The following B3GALT1 variants were observed in gnomAD, a reference collection of about 807,000 sequenced individuals.
The protein encoded by B3GALT1 is beta-1,3-galactosyltransferase 1, also known as UDP-Gal:betaGlcNAc beta 1,3-galactosyltransferase, polypeptide 1.
In B3GALT1, 10 loss-of-function variants were observed where a neutral mutation model predicts 23.2. The ratio of observed to expected loss-of-function variants is 0.43; its 90% CI spans 0.27 to 0.73. The LOEUF is 0.73. Among genes scored for constraint, B3GALT1 ranks in the 30% least tolerant of loss-of-function variants. The probability of loss-of-function intolerance (pLI) is 0.21; values close to 1 mark genes in which losing one functional copy is unlikely to be tolerated. For missense variants in B3GALT1, 299 were observed against 405.4 expected (o/e 0.74, Z 2.25); for synonymous variants, 156 against 141.5 (o/e 1.10, Z -0.73).
At chr2:167,802,661 CCTATTATAT>C (rs1688660199) in intron 3 of B3GALT1, among the ~76,000 whole-genome samples, 2 of 152,128 alleles carry the variant, frequency 1.3e-5, no homozygotes, top group Admixed American at 6.5e-5. Flanking sequence ...AATTGAAAAT[CCTATTATAT>C]CTATTATATC....
chr2:167,773,801 G>A (rs539798513), intron 3 of B3GALT1, among the ~76,000 whole-genome samples: 6 of 152,260 alleles, frequency 3.9e-5, no homozygotes, highest in South Asian at 2.1e-4. Context: ...AGTTGGCTCC[G>A]AAGTAAAACA....
At chr2:167,365,542 G>A (rs1697572138) in intron 1 of B3GALT1, among the ~76,000 whole-genome samples, 1 of 150,400 alleles carries the variant, frequency 6.6e-6, no homozygotes, top group African/African-American at 2.4e-5. Flanking sequence ...TAAGAAGATC[G>A]TATCTTTTCT....
chr2:167,821,623 C>G (rs1689108726), intron 4 of B3GALT1, among the ~76,000 whole-genome samples: 1 of 151,892 alleles, frequency 6.6e-6, no homozygotes, highest in Admixed American at 6.6e-5. Context: ...TTAGTAAAGA[C>G]AGGGTTTCAC....
At chr2:167,506,005 A>G (rs1439193153) in intron 2 of B3GALT1, among the ~76,000 whole-genome samples, 2 of 152,108 alleles carry the variant, frequency 1.3e-5, no homozygotes, top group Non-Finnish European at 2.9e-5. Flanking sequence ...GGATGCAGTG[A>G]GCCAAGATCG....
In B3GALT1 at chr2:167,821,836, C is replaced by T. The variant is rs137917370; in HGVS notation, c.-230+3043C>T. On this transcript the variant is annotated intron_variant, in intron 4 of 4. Coordinates refer to ENST00000392690, the MANE Select transcript of B3GALT1 (RefSeq NM_020981.4). ...GTAGCTTTACAGGAAGTACATCTGT[C>T]GGTTATTACAGTCATTCTTGTACAG... Among the ~76,000 whole-genome samples the T allele has an allele frequency of 1.4e-3, 215 of 152,194 alleles. 1 individual carries two copies. The highest frequency in any genetic ancestry group is 4.8e-3 in the African/African-American group (200 of 41,530).
intron 2 of B3GALT1, among the ~76,000 whole-genome samples, chr2:167,564,931 C>A (rs1339895296): frequency 1.3e-5 from 2 of 152,138 alleles, no homozygotes; most frequent in Non-Finnish European, 2.9e-5. Context: ...GCCATACTGC[C>A]CAAGGTAATT....
At chr2:167,565,127 C>T (rs1376372036) in intron 2 of B3GALT1, among the ~76,000 whole-genome samples, 1 of 152,114 alleles carries the variant, frequency 6.6e-6, no homozygotes, top group African/African-American at 2.4e-5. Context: ...CTACAGTAAC[C>T]AAAACAGCAT....
chr2:167,815,407 CGCTTTGT>C (rs1688976423), intron 3 of B3GALT1, among the ~76,000 whole-genome samples: 1 of 152,160 alleles, frequency 6.6e-6, no homozygotes, highest in Non-Finnish European at 1.5e-5. Flanking sequence ...AACTCAGTGG[CGCTTTGT>C]GTTTTGTTCT....
intron 2 of B3GALT1, among the ~76,000 whole-genome samples, chr2:167,524,979 G>A (rs1023695609): frequency 1.3e-5 from 2 of 152,136 alleles, no homozygotes; most frequent in East Asian, 3.9e-4. Context: ...AGCACAAATT[G>A]CCTACATCAT....
chr2:167,823,643 T>C (rs1689154405), intron 4 of B3GALT1, among the ~76,000 whole-genome samples: 1 of 152,210 alleles, frequency 6.6e-6, no homozygotes, highest in Admixed American at 6.5e-5. Flanking sequence ...AACAAGTACA[T>C]ATGGAACACA....
chr2:167,746,059 G>A (rs1156242977), intron 3 of B3GALT1, among the ~76,000 whole-genome samples: 2 of 152,144 alleles, frequency 1.3e-5, no homozygotes, highest in African/African-American at 4.8e-5. Context: ...GTTGTGGTTA[G>A]AAAAGGAGAA....
intron 3 of B3GALT1, among the ~76,000 whole-genome samples, chr2:167,684,901 T>C (rs1303568642): frequency 1.3e-5 from 2 of 152,066 alleles, no homozygotes; most frequent in Non-Finnish European, 2.9e-5. Flanking sequence ...CATAGCCACC[T>C]GGGGCTCGTG....
intron 2 of B3GALT1, among the ~76,000 whole-genome samples, chr2:167,522,194 G>T (rs1180747405): frequency 6.6e-6 from 1 of 151,744 alleles, no homozygotes; most frequent in Non-Finnish European, 1.5e-5. Context: ...CCTGCTTTTG[G>T]TATCGTTAAT....
At chr2:167,485,047 A>G (rs1451252998) in intron 1 of B3GALT1, among the ~76,000 whole-genome samples, 1 of 152,114 alleles carries the variant, frequency 6.6e-6, no homozygotes, top group Non-Finnish European at 1.5e-5. Context: ...TCCAAAGGGA[A>G]GAGAGTATAG....
chr2:167,447,713 G>A (rs1390167265), intron 1 of B3GALT1, among the ~76,000 whole-genome samples: 1 of 152,132 alleles, frequency 6.6e-6, no homozygotes, highest in Non-Finnish European at 1.5e-5. Context: ...CATTGGAAAA[G>A]CACAATATTA....
At chr2:167,487,386 C>T (rs757586476) in intron 1 of B3GALT1, among the ~76,000 whole-genome samples, 1 of 152,202 alleles carries the variant, frequency 6.6e-6, no homozygotes, top group Non-Finnish European at 1.5e-5. Context: ...TTTTGAACTA[C>T]CCACTGTTAT....
chr2:167,471,271 C>A, intron 1 of B3GALT1, among the ~76,000 whole-genome samples: 1 of 152,106 alleles, frequency 6.6e-6, no homozygotes, highest in Admixed American at 6.6e-5. Context: ...TTCATTTGTA[C>A]CACATAAAAA....
intron 3 of B3GALT1, chr2:167,715,255 G>C: frequency 6.2e-7 from 1 of 1,613,956 alleles, no homozygotes. Flanking sequence ...TCATTGGCAA[G>C]TGTCCAGTCA....
At chr2:167,492,647 C>T (rs78434174) in intron 2 of B3GALT1, among the ~76,000 whole-genome samples, 58 of 152,276 alleles carry the variant, frequency 3.8e-4, no homozygotes, top group African/African-American at 1.3e-3. Context: ...TTGGTTTTGT[C>T]AATGCTTAGA....
Sources: allele counts gnomAD v4.1 joint callset (sites outside exome capture counted in the v4.1 genomes callset), GRCh38; gene constraint gnomAD v4.1.1; transcripts MANE v1.5; gene names NCBI Gene and HGNC (gene_info 2026-07-23, HGNC 2026-07-21).